ELAC2: variants seen among roughly 807,000 people sequenced by gnomAD.
ELAC2 encodes the protein zinc phosphodiesterase ELAC protein 2.
ELAC2 carries 92 observed loss-of-function variants against 105.2 expected under a neutral mutation model. The observed-to-expected ratio is 0.87, with a 90% CI of 0.74 to 1.04. The LOEUF (loss-of-function observed/expected upper bound fraction) is 1.04. ELAC2 is among the 50% of genes least tolerant of loss of function. ELAC2 has a pLI of 0.00. For missense variants in ELAC2, 1,099 were observed against 1,071.7 expected (o/e 1.03, Z -0.36); for synonymous variants, 468 against 409.1 (o/e 1.14, Z -1.74).
intron 19 of ELAC2, among the ~76,000 whole-genome samples, chr17:12,995,401 A>G (rs1228042559): frequency 2.0e-5 from 3 of 152,202 alleles, no homozygotes; most frequent in Non-Finnish European, 4.4e-5. Flanking sequence ...GCTAGCCACT[A>G]TTTGGGTGCT....
At position 12,993,851 on chromosome 17, in the gene ELAC2, C is replaced by G; in HGVS notation, c.2109-20G>C. ...GTTGTGCTGCAGGTGAAGGACAGAG[C>G]AGACTGAAGCTGAACTCAACTGCAA... On this transcript the variant is annotated intron_variant, in intron 22 of 23. Transcript: ENST00000338034. 1 of 1,614,076 alleles carries G rather than the reference C, an allele frequency of 6.2e-7. No individual in the cohort carries two copies. Among genetic ancestry groups the G allele is most frequent in the African/African-American group, 1.3e-5 (1 of 75,034 alleles).
rs772689332 is a variant in ELAC2, at chr17:12,992,112, GCT to G, written c.*704_*705del. Among the ~76,000 whole-genome samples the G allele has an allele frequency of 2.0e-5, 3 of 149,294 alleles. No individual in the cohort carries two copies. Among genetic ancestry groups the G allele is most frequent in the Non-Finnish European group, 4.5e-5 (3 of 67,090 alleles). Reference sequence around the variant, plus strand: ...TGACCAATGACACCAGCCCAGCCAGGCTCTCACTGATTGATTTGATTGATTGA... The same window carrying G: ...TGACCAATGACACCAGCCCAGCCAGGCTCACTGATTGATTTGATTGATTGA... On this transcript the variant is annotated 3_prime_UTR_variant, in exon 24 of 24. Transcript: ENST00000338034.
chr17:13,010,646 C>T lies in ELAC2; in HGVS notation c.705G>A (p.Arg235=). 1 of 1,614,104 alleles carries T rather than the reference C, an allele frequency of 6.2e-7. No individual in the cohort carries two copies. Among genetic ancestry groups the T allele is most frequent in the Non-Finnish European group, 8.5e-7 (1 of 1,180,016 alleles). ...TGAAAGCTACGACCAGGGAAGAGTCCCTGACCCCTCTTCTCTGGCTAACAC... is the reference window on the plus strand; with the variant it reads ...TGAAAGCTACGACCAGGGAAGAGTCTCTGACCCCTCTTCTCTGGCTAACAC... ...PHGVSQRRGV[R]DSSLVVAFIC... The change falls in exon 8 of 24, where the codon AGG becomes AGA. Residue 235 remains arginine, a synonymous_variant. Transcript: ENST00000338034.
chr17:12,995,044 G>A lies in ELAC2; in HGVS notation c.1827C>T (p.Cys609=), dbSNP rs1598199030. 6.2e-7 allele frequency: 1 copy of A among 1,614,020 alleles called. No homozygotes were observed. Among genetic ancestry groups the A allele is most frequent in the Non-Finnish European group, 8.5e-7 (1 of 1,180,032 alleles). The change falls in exon 20 of 24, where the codon TGC becomes TGT. Residue 609 remains cysteine (C), a synonymous_variant. Transcript: ENST00000338034. ...LHHISMIPAK[C]LQEGAEISSP... ...TGGAGATCTCAGCCCCTTCCTGAAG[G>A]CATTTGGCAGGAATCATACTGTAAA... is the stretch of plus-strand genomic sequence containing the variant.
intron 3 of ELAC2, 38 bp downstream of exon 3, chr17:13,016,824 T>C (rs1438912521): frequency 6.2e-7 from 1 of 1,604,838 alleles, no homozygotes; most frequent in Non-Finnish European, 8.5e-7. Flanking sequence ...TCCCAGAGAC[T>C]TCCCACCAGC....
At position 13,017,826 on chromosome 17, in the gene ELAC2, C is replaced by G. The variant is rs1365220822; in HGVS notation, c.122G>C (p.Arg41Pro). 1 of 1,589,718 alleles carries G rather than the reference C, an allele frequency of 6.3e-7. No individual in the cohort carries two copies. The highest frequency in any genetic ancestry group is 8.6e-7 in the Non-Finnish European group (1 of 1,169,468). The change falls in exon 1 of 24, where the codon CGC (arginine) becomes CCC (proline). Residue 41 changes from arginine to proline, a missense_variant. By Grantham distance (103) the Arg-to-Pro change is moderately radical (BLOSUM62 -2). Transcript: ENST00000338034. ...CGACGGTCCGCGCTTCTCTCGCGTGCGCAGGTGCCGCAGCGGGTCCTTGCG... is the reference window on the plus strand; with the variant it reads ...CGACGGTCCGCGCTTCTCTCGCGTGGGCAGGTGCCGCAGCGGGTCCTTGCG... Reference protein sequence around the residue: ...RPRKDPLRHLRTREKRGPSGC... With the variant: ...RPRKDPLRHLPTREKRGPSGC...
chr17:13,006,710 A>G (rs957689058), intron 8 of ELAC2, among the ~76,000 whole-genome samples: 3 of 152,226 alleles, frequency 2.0e-5, no homozygotes, highest in African/African-American at 7.2e-5. Context: ...ATGTAACATA[A>G]TATTTCAATG....
intron 16 of ELAC2, 23 bp downstream of exon 16, chr17:12,998,389 T>A: frequency 6.2e-7 from 1 of 1,609,910 alleles, no homozygotes; most frequent in Non-Finnish European, 8.5e-7. Context: ...GATGGAAGGA[T>A]GCTTCCTGGG....
chr17:13,010,752 T>G (rs1050172515), intron 7 of ELAC2, 81 bp from the exon 8 acceptor site: 17 of 1,251,952 alleles, frequency 1.4e-5, no homozygotes, highest in Non-Finnish European at 2.0e-5. Flanking sequence ...ACCCGATACC[T>G]AATTTCACTT....
At chr17:13,003,421 G>C (rs565033963) in intron 12 of ELAC2, 58 bp downstream of exon 12, 1 of 1,496,544 alleles carries the variant, frequency 6.7e-7, no homozygotes, top group African/African-American at 1.4e-5. Context: ...GGGAGGAAAG[G>C]GGAATCCACC....
At chr17:13,016,178 C>T (rs2041710751) in intron 3 of ELAC2, among the ~76,000 whole-genome samples, 1 of 152,170 alleles carries the variant, frequency 6.6e-6, no homozygotes, top group African/African-American at 2.4e-5. Context: ...TTCACTCCTT[C>T]CGGTCCATGC....
At chr17:13,002,631 C>A (rs1471233705) in intron 12 of ELAC2, 52 bp from the exon 13 acceptor site, 10 of 1,562,106 alleles carry the variant, frequency 6.4e-6, no homozygotes, top group East Asian at 2.4e-5. Flanking sequence ...GGCAGCTCCC[C>A]CTGAGGAGTG....
chr17:13,004,444 A>T (rs1473713797), intron 11 of ELAC2, among the ~76,000 whole-genome samples: 1 of 152,226 alleles, frequency 6.6e-6, no homozygotes, highest in African/African-American at 2.4e-5. Context: ...ATTCAAACTC[A>T]GATAGGTGGG....
chr17:13,009,652 C>T (rs1409323159), intron 8 of ELAC2, among the ~76,000 whole-genome samples: 1 of 152,134 alleles, frequency 6.6e-6, no homozygotes, highest in African/African-American at 2.4e-5. Context: ...ACACAGCTGC[C>T]TTCAATAATT....
Position 12,992,741 on chromosome 17 carries a change from C to T in ELAC2, c.*77G>A. 1.3e-6 allele frequency: 2 copies of T among 1,560,930 alleles called. No individual in the cohort carries two copies. Among genetic ancestry groups the T allele is most frequent in the Non-Finnish European group, 1.8e-6 (2 of 1,136,290 alleles). ...GGGGACCGTGCTCTTCAGCTTCTAC[C>T]AGCAAGGAGGGCAGATACGGGTGCG... On this transcript the variant is annotated 3_prime_UTR_variant, in exon 24 of 24. Transcript: ENST00000338034.
At chr17:13,013,573 A>G (rs1370180927) in intron 5 of ELAC2, among the ~76,000 whole-genome samples, 1 of 152,234 alleles carries the variant, frequency 6.6e-6, no homozygotes, top group East Asian at 1.9e-4. Context: ...CCAAGTTAAC[A>G]AACAGAATAG....
At chr17:13,004,851 A>C (rs2041018293) in intron 11 of ELAC2, 138 bp downstream of exon 11, 1 of 776,070 alleles carries the variant, frequency 1.3e-6, no homozygotes, top group Non-Finnish European at 2.3e-6. Context: ...CAGTGACTTA[A>C]GGCAGGAGTG....
At chr17:13,016,747 A>G (rs1235110762) in intron 3 of ELAC2, 115 bp downstream of exon 3, 5 of 332,656 alleles carry the variant, frequency 1.5e-5, no homozygotes, top group East Asian at 2.1e-4. Flanking sequence ...GCCACTGACA[A>G]AAAAAAAAAA....
chr17:13,001,504 TAAATA>T (rs2040809515), intron 14 of ELAC2, among the ~76,000 whole-genome samples: 1 of 151,476 alleles, frequency 6.6e-6, no homozygotes, highest in Admixed American at 6.6e-5. Context: ...AAAAAATAAA[TAAATA>T]AATAAAATAA....
Sources: allele counts gnomAD v4.1 joint callset (sites outside exome capture counted in the v4.1 genomes callset), GRCh38; gene constraint gnomAD v4.1.1; transcripts MANE v1.5; gene names NCBI Gene and HGNC (gene_info 2026-07-23, HGNC 2026-07-21).